Variants in NUP93 observed in about 807,000 individuals in gnomAD.
NUP93 encodes nucleoporin 93.
A neutral mutation model predicts 107.8 loss-of-function variants in NUP93; 55 were observed. The observed-to-expected ratio is 0.51, with a 90% CI of 0.41 to 0.64. NUP93 has a LOEUF of 0.64. NUP93 is among the 30% of genes least tolerant of loss of function. The probability of loss-of-function intolerance (pLI) is 0.00; values close to 1 mark genes in which losing one functional copy is unlikely to be tolerated. For missense variants in NUP93, 937 were observed against 1,044.7 expected, an observed-to-expected ratio of 0.90 and a Z score of 1.42; for synonymous variants, 390 against 397.5, an observed-to-expected ratio of 0.98 and a Z score of 0.22.
intron 4 of NUP93, among the ~76,000 whole-genome samples, chr16:56,804,905 C>CAA (rs58373431): frequency 1.5e-4 from 10 of 64,934 alleles, no homozygotes; most frequent in South Asian, 4.4e-4. Context: ...AACTCTGTCT[C>CAA]AAAAAAAAAA....
chr16:56,760,977 A>C (rs181625730), intron 3 of NUP93, among the ~76,000 whole-genome samples: 48 of 152,100 alleles, frequency 3.2e-4, no homozygotes, highest in African/African-American at 7.0e-4. Flanking sequence ...CCAAAAAAAA[A>C]CCCAGAAACA....
Position 56,834,273 on chromosome 16 carries a change from C to T in NUP93, c.1664+19C>T. The T allele has an allele frequency of 9.9e-6, 16 of 1,613,600 alleles. No homozygotes were observed. Among genetic ancestry groups the T allele is most frequent in the African/African-American group, 1.3e-5 (1 of 75,024 alleles). ...TCCTCAGGTAACATTTGCTTTTGAC[C>T]ATTTACTTCAGCTAGTTTCAATTTC... On this transcript the variant is annotated intron_variant, in intron 14 of 21. Transcript: ENST00000308159.
At chr16:56,758,883 C>A (rs1962075244) in intron 3 of NUP93, among the ~76,000 whole-genome samples, 1 of 152,200 alleles carries the variant, frequency 6.6e-6, no homozygotes. Flanking sequence ...CCAACCTGCA[C>A]TTTTTAGATT....
intron 8 of NUP93, 138 bp from the exon 9 acceptor site, chr16:56,828,839 A>G (rs1596850040): frequency 1.3e-6 from 1 of 782,842 alleles, no homozygotes; most frequent in East Asian, 2.7e-5. Context: ...TTAAGCATGT[A>G]CTATTTCCTC....
intron 3 of NUP93, among the ~76,000 whole-genome samples, chr16:56,759,918 C>G (rs2144484628): frequency 6.6e-6 from 1 of 152,202 alleles, no homozygotes; most frequent in Admixed American, 6.5e-5. Flanking sequence ...CTTTGATATT[C>G]TTGGAGTAGG....
At chr16:56,831,793 G>A (rs376612590) in intron 10 of NUP93, 49 bp from the exon 11 acceptor site, 1 of 1,582,428 alleles carries the variant, frequency 6.3e-7, no homozygotes, top group East Asian at 2.2e-5. Context: ...ATGCCCTTGA[G>A]GATTTTTATT....
intron 3 of NUP93, among the ~76,000 whole-genome samples, chr16:56,796,775 G>A (rs1962908221): frequency 6.6e-6 from 1 of 152,002 alleles, no homozygotes; most frequent in Admixed American, 6.5e-5. Context: ...TCAGGAGATC[G>A]AGATCATCCT....
chr16:56,814,164 T>C (rs1035829678), intron 5 of NUP93, among the ~76,000 whole-genome samples: 1 of 152,216 alleles, frequency 6.6e-6, no homozygotes, highest in African/African-American at 2.4e-5. Flanking sequence ...CTAGGAGTGC[T>C]AGTTGCATTC....
intron 3 of NUP93, among the ~76,000 whole-genome samples, chr16:56,790,096 T>TCAAAACAAAACAAAA (rs57242557): frequency 0.012 from 1,855 of 149,300 alleles, 29 homozygotes; most frequent in African/African-American, 0.03. Flanking sequence ...AAACTCCATC[T>TCAAAACAAAACAAAA]CAAAACAAAA....
At chr16:56,844,218 G>A (rs886154278) in intron 21 of NUP93, among the ~76,000 whole-genome samples, 2 of 152,180 alleles carry the variant, frequency 1.3e-5, no homozygotes, top group Non-Finnish European at 2.9e-5. Flanking sequence ...AATGTGTTGG[G>A]GCGAGGCGGC....
intron 1 of NUP93, among the ~76,000 whole-genome samples, chr16:56,737,397 T>C (rs148311814): frequency 2.2e-3 from 333 of 152,292 alleles, no homozygotes; most frequent in African/African-American, 7.6e-3. Context: ...GTCTAATTAC[T>C]TCCCAAAGAC....
At chr16:56,827,791 T>G (rs1300810227) in intron 8 of NUP93, among the ~76,000 whole-genome samples, 1 of 152,210 alleles carries the variant, frequency 6.6e-6, no homozygotes, top group African/African-American at 2.4e-5. Context: ...GGAAGATTGC[T>G]TGAGCCCAGG....
At chr16:56,828,950 C>T (rs374147283) in intron 8 of NUP93, 27 bp from the exon 9 acceptor site, 1 of 1,610,458 alleles carries the variant, frequency 6.2e-7, no homozygotes, top group South Asian at 1.1e-5. Context: ...TCAGTCTTCC[C>T]TGTTTTTTCC....
chr16:56,783,751 T>C, intron 3 of NUP93: 2 of 985,380 alleles, frequency 2.0e-6, no homozygotes, highest in Non-Finnish European at 2.4e-6. Flanking sequence ...TTACATTAGG[T>C]TCCATGGCAC....
In NUP93 at chr16:56,834,718, T is replaced by C; in HGVS notation, c.1738-16T>C. On this transcript the variant is annotated splice_polypyrimidine_tract_variant and intron_variant, in intron 15 of 21. Coordinates refer to ENST00000308159, the MANE Select transcript of NUP93 (RefSeq NM_014669.5). ...TCTTTGTCCAATAATTTGAGTAAACTTTTTTCCTTCCACAGTTCGATATGA... is the reference window on the plus strand; with the variant it reads ...TCTTTGTCCAATAATTTGAGTAAACCTTTTTCCTTCCACAGTTCGATATGA... 6.2e-7 allele frequency: 1 copy of C among 1,608,042 alleles called. No homozygotes were observed. Among genetic ancestry groups the C allele is most frequent in the Non-Finnish European group, 8.5e-7 (1 of 1,176,386 alleles).
intron 1 of NUP93, 96 bp downstream of exon 1, chr16:56,730,307 C>G (rs1434323355): frequency 6.6e-6 from 1 of 152,404 alleles, no homozygotes; most frequent in Admixed American, 6.5e-5. Context: ...CGCTCGGAAC[C>G]CCGCCGCTCA....
At position 56,818,399 on chromosome 16, in the gene NUP93, A is replaced by C. The variant is rs1561138; in HGVS notation, c.490-265A>C. Among the ~76,000 whole-genome samples the C allele has an allele frequency of 0.84, 127,225 of 152,204 alleles. 53,249 individuals are homozygous for C. Among genetic ancestry groups the C allele is most frequent in the East Asian group, 0.92 (4,764 of 5,186 alleles). On this transcript the variant is annotated intron_variant, in intron 5 of 21. Transcript: ENST00000308159. ...TTGGAAAGATGTACATTTCCAGAAA[A>C]AGTCATTGAGGTATTGATAGGGTTT...
intron 8 of NUP93, among the ~76,000 whole-genome samples, chr16:56,824,401 G>A (rs1304944402): frequency 6.6e-6 from 1 of 152,190 alleles, no homozygotes; most frequent in Non-Finnish European, 1.5e-5. Context: ...GTTTGTGGCA[G>A]TGCCTTTGTG....
rs964348432 is a variant in NUP93 at position 56,837,394 on chromosome 16, C to G, written c.1900-214C>G. Among the ~76,000 whole-genome samples, 38 of 152,174 alleles carry G rather than the reference C, an allele frequency of 2.5e-4. 1 individual carries two copies. Among genetic ancestry groups the G allele is most frequent in the Admixed American group, 2.2e-3 (34 of 15,270 alleles). ...CCTGGCCAACATGGCAAAACCCCGT[C>G]TCTACTAAAAATATAAAAATTAGTC... On this transcript the variant is annotated intron_variant, in intron 17 of 21. Coordinates refer to ENST00000308159, the MANE Select transcript of NUP93 (RefSeq NM_014669.5).
Sources: gnomAD v4.1 joint callset for allele counts (sites outside exome capture counted in the v4.1 genomes callset) on GRCh38, gnomAD v4.1.1 for gene constraint, MANE v1.5 for transcripts, NCBI Gene and HGNC (gene_info 2026-07-23, HGNC 2026-07-21) for gene names.